Variants in TET2 observed in about 807,000 individuals in gnomAD.
The protein encoded by TET2 is methylcytosine dioxygenase TET2.
In TET2, 299 loss-of-function variants were observed where a neutral mutation model predicts 142.9. That is an observed-to-expected ratio of 2.09 (90% CI 1.90 to 2.30). The LOEUF (loss-of-function observed/expected upper bound fraction) is 2.30, where lower values mean the gene tolerates loss of function less well. Among genes scored for constraint, TET2 ranks in the 30% most tolerant of loss-of-function variants. The pLI is 0.00. For synonymous variants in TET2, 819 were observed against 849.0 expected, an observed-to-expected ratio of 0.96 and a Z score of 0.61; for missense variants, 2,418 against 2,378.0, an observed-to-expected ratio of 1.02 and a Z score of -0.35.
intron 6 of TET2, among the ~76,000 whole-genome samples, chr4:105,249,320 C>T (rs1373574119): frequency 1.3e-5 from 2 of 152,162 alleles, no homozygotes; most frequent in African/African-American, 4.8e-5. Flanking sequence ...CCACTGTGCC[C>T]AGCCACATTT....
chr4:105,149,617 C>A (rs954876555), intron 1 of TET2, among the ~76,000 whole-genome samples: 5 of 152,224 alleles, frequency 3.3e-5, no homozygotes, highest in African/African-American at 1.2e-4. Context: ...TGATAATGGA[C>A]AATAACAAGA....
At chr4:105,233,383 C>CAAAAAAAAAAA (rs34890297) in intron 2 of TET2, among the ~76,000 whole-genome samples, 1,636 of 76,024 alleles carry the variant, frequency 0.022, 333 homozygotes, top group African/African-American at 0.057. Flanking sequence ...GACTCCATCT[C>CAAAAAAAAAAA]AAAAAAAAAA....
At chr4:105,239,681 C>T (rs1356196754) in intron 3 of TET2, 6 of 234,058 alleles carry the variant, frequency 2.6e-5, no homozygotes, top group East Asian at 6.3e-5. Context: ...GCAATAAGGC[C>T]GTTTTGCTTT....
intron 2 of TET2, among the ~76,000 whole-genome samples, chr4:105,226,405 C>T (rs921821928): frequency 3.9e-5 from 6 of 152,064 alleles, no homozygotes; most frequent in South Asian, 2.1e-4. Context: ...ATTTCTTAGC[C>T]GTGTGATATG....
intron 8 of TET2, among the ~76,000 whole-genome samples, chr4:105,268,137 C>G (rs72963039): frequency 0.019 from 2,946 of 152,210 alleles, 93 homozygotes; most frequent in African/African-American, 0.066. Flanking sequence ...AAAAATAAAA[C>G]TGTACTTATT....
At chr4:105,237,836 G>GT in intron 3 of TET2, 1 of 1,090,838 alleles carries the variant, frequency 9.2e-7, no homozygotes, top group South Asian at 3.5e-5. Context: ...GTCTTCATGA[G>GT]TTGGGGGAAA....
Position 105,184,900 on chromosome 4 carries a change from C to G in TET2, c.-192-5460C>G, listed in dbSNP as rs577477377. On this transcript the variant is annotated intron_variant, in intron 1 of 10. Coordinates refer to ENST00000380013, the MANE Select transcript of TET2 (RefSeq NM_001127208.3). ...AGAAGCAGCCAAAGCAGCATTTCAA[C>G]AGGAAGGAAACATCTATTACTGGGG... Among the ~76,000 whole-genome samples, 3 of 152,268 alleles carry G rather than the reference C, an allele frequency of 2.0e-5. No homozygotes were observed. In the South Asian group the frequency reaches 6.2e-4, roughly 32 times the overall value.
At chr4:105,155,315 T>C (rs1261630457) in intron 1 of TET2, among the ~76,000 whole-genome samples, 3 of 152,216 alleles carry the variant, frequency 2.0e-5, no homozygotes, top group African/African-American at 4.8e-5. Flanking sequence ...GTTGAAGATG[T>C]AAAATAAGGT....
chr4:105,276,532 T>C lies in TET2; in HGVS notation c.*13T>C. 3 of 1,542,470 alleles carry C rather than the reference T, an allele frequency of 1.9e-6. No individual in the cohort carries two copies. The highest frequency in any genetic ancestry group is 2.6e-6 in the Non-Finnish European group (3 of 1,141,384). On this transcript the variant is annotated 3_prime_UTR_variant, in exon 11 of 11. Coordinates refer to ENST00000380013, the MANE Select transcript of TET2 (RefSeq NM_001127208.3). ...CAGATATATATGATATCACCCCCTT[T>C]TGTTGGTTACCTCACTTGAAAAGAC...
At chr4:105,189,370 A>G (rs75877139) in intron 1 of TET2, among the ~76,000 whole-genome samples, 1 of 152,190 alleles carries the variant, frequency 6.6e-6, no homozygotes, top group African/African-American at 2.4e-5. Context: ...TACTGTTTCC[A>G]TATATTCAGG....
intron 9 of TET2, among the ~76,000 whole-genome samples, chr4:105,270,108 T>C (rs1367197194): frequency 6.6e-6 from 1 of 152,156 alleles, no homozygotes; most frequent in Non-Finnish European, 1.5e-5. Flanking sequence ...AGATGAGATT[T>C]AGGTAGGGAC....
Position 105,275,258 on chromosome 4 carries a change from C to T in TET2, c.4748C>T (p.Ser1583Leu). Residue 1583 changes from serine (S) to leucine (L), a missense_variant, in exon 11 of 11, where the codon TCA (serine) becomes TTA (leucine). By Grantham distance (145) the Ser-to-Leu change is moderately radical. Transcript: ENST00000380013. ...CCAGTTAGTCCTTATCCAAACTCTT[C>T]ACACACTTCAGATATCTATGGAAGC... ...PNPVSPYPNSSHTSDIYGSTS... is the reference protein window; with the variant it reads ...PNPVSPYPNSLHTSDIYGSTS... The T allele has an allele frequency of 1.3e-6, 2 of 1,552,336 alleles. No homozygotes were observed. Among genetic ancestry groups the T allele is most frequent in the Non-Finnish European group, 1.7e-6 (2 of 1,147,122 alleles).
chr4:105,163,373 A>G (rs1723953312), intron 1 of TET2, among the ~76,000 whole-genome samples: 1 of 152,204 alleles, frequency 6.6e-6, no homozygotes, highest in Admixed American at 6.5e-5. Flanking sequence ...CAAACATAGA[A>G]TCATGGATTG....
intron 1 of TET2, among the ~76,000 whole-genome samples, chr4:105,151,008 T>C (rs911675606): frequency 5.3e-5 from 8 of 152,220 alleles, no homozygotes; most frequent in African/African-American, 1.9e-4. Context: ...AGAATAGATA[T>C]TTGGTTGTCC....
At chr4:105,229,737 T>A (rs1017057675) in intron 2 of TET2, among the ~76,000 whole-genome samples, 11 of 152,018 alleles carry the variant, frequency 7.2e-5, no homozygotes, top group Non-Finnish European at 1.2e-4. Flanking sequence ...TGGAGGCAAA[T>A]TATTATGGCC....
At chr4:105,199,252 C>G (rs926079923) in intron 2 of TET2, among the ~76,000 whole-genome samples, 2 of 152,132 alleles carry the variant, frequency 1.3e-5, no homozygotes, top group African/African-American at 4.8e-5. Flanking sequence ...TTCTAATTGC[C>G]TGGATACTGC....
intron 1 of TET2, among the ~76,000 whole-genome samples, chr4:105,175,810 C>T (rs112309838): frequency 0.014 from 2,091 of 151,872 alleles, 30 homozygotes; most frequent in Middle Eastern, 0.058. Context: ...AAAAAAATAT[C>T]GAAAGAATCC....
chr4:105,254,924 C>T (rs1730048006), intron 6 of TET2, among the ~76,000 whole-genome samples: 1 of 152,168 alleles, frequency 6.6e-6, no homozygotes, highest in Admixed American at 6.5e-5. Flanking sequence ...TCCAGCAATT[C>T]ATCAATTATA....
intron 6 of TET2, among the ~76,000 whole-genome samples, chr4:105,245,789 C>A (rs893481044): frequency 6.6e-6 from 1 of 152,182 alleles, no homozygotes; most frequent in African/African-American, 2.4e-5. Flanking sequence ...AGTAATACTG[C>A]ATTGTCTTTA....
Sources: gnomAD v4.1 joint callset for allele counts (sites outside exome capture counted in the v4.1 genomes callset) on GRCh38, gnomAD v4.1.1 for gene constraint, MANE v1.5 for transcripts, NCBI Gene and HGNC (gene_info 2026-07-23, HGNC 2026-07-21) for gene names.